The following NOD2 variants were observed in gnomAD, a reference collection of about 807,000 sequenced individuals.
The protein encoded by NOD2 is nucleotide binding oligomerization domain containing 2.
In NOD2, 86 loss-of-function variants were observed where a neutral mutation model predicts 90.9. That is an observed-to-expected ratio of 0.95 (90% CI 0.79 to 1.13). The LOEUF (loss-of-function observed/expected upper bound fraction) is 1.13. NOD2 is among the 50% of genes most tolerant of loss of function. The pLI is 0.00. For missense variants in NOD2, 1,238 were observed against 1,283.8 expected, an observed-to-expected ratio of 0.96 and a Z score of 0.55; for synonymous variants, 581 against 554.6, an observed-to-expected ratio of 1.05 and a Z score of -0.67.
intron 1 of NOD2, among the ~76,000 whole-genome samples, chr16:50,693,941 T>TG (rs144636959): frequency 0.031 from 4,706 of 152,112 alleles, 191 homozygotes; most frequent in East Asian, 0.11. Context: ...AGTGAGTGGG[T>TG]GGGTATAAGT....
At chr16:50,727,873 A>G in intron 10 of NOD2, 1 of 342,006 alleles carries the variant, frequency 2.9e-6, no homozygotes, top group Non-Finnish European at 5.8e-6. Context: ...GACTAGCAGC[A>G]GACCACCAGT....
rs1277074052 is a variant in NOD2, at chr16:50,728,837, A to G, written c.2886-981A>G. On this transcript the variant is annotated intron_variant, in intron 10 of 11. Transcript: ENST00000647318. ...TCCCCTCCCTGTTGTCAGCTACCTC[A>G]TATGTTCTCTAATCTCTGTCTCTGT... Among the ~76,000 whole-genome samples the G allele has an allele frequency of 3.9e-5, 6 of 152,084 alleles. No homozygotes were observed. In the East Asian group the frequency reaches 5.8e-4, roughly 15 times the overall value.
At chr16:50,727,997 C>T (rs757841229) in intron 10 of NOD2, 8 of 254,358 alleles carry the variant, frequency 3.1e-5, no homozygotes, top group East Asian at 1.0e-4. Flanking sequence ...CACTTTTCAT[C>T]GCACGTCACA....
intron 4 of NOD2, chr16:50,712,635 C>T (rs4785225): frequency 2.9e-5 from 16 of 551,722 alleles, no homozygotes; most frequent in South Asian, 8.4e-5. Context: ...ACCACCCTGG[C>T]GGGTAGGCAG....
intron 1 of NOD2, 36 bp downstream of exon 1, chr16:50,693,698 G>C (rs1042564220): frequency 1.3e-5 from 2 of 152,400 alleles, no homozygotes; most frequent in Non-Finnish European, 2.9e-5. Context: ...GGTGGGCTGG[G>C]GGGAGACTGT....
At chr16:50,704,872 C>G (rs1167463454) in intron 2 of NOD2, among the ~76,000 whole-genome samples, 2 of 152,190 alleles carry the variant, frequency 1.3e-5, no homozygotes, top group East Asian at 3.8e-4. Flanking sequence ...CTTTTAGTCC[C>G]CAGAATTTTA....
rs752141641 is a variant in NOD2, at chr16:50,723,333, C to T, written c.2750C>T (p.Ala917Val). 1.2e-6 allele frequency: 2 copies of T among 1,613,856 alleles called. No individual in the cohort carries two copies. Among genetic ancestry groups the T allele is most frequent in the Non-Finnish European group, 1.7e-6 (2 of 1,179,902 alleles). ...GGGAACAACATTGGCAGTGTGGGTG[C>T]CCAAGCCTTGGCACTGATGCTGGCA... ...LVGNNIGSVG[A>V]QALALMLAKN... Residue 917 changes from alanine to valine, a missense_variant, in exon 9 of 12, where the codon GCC (alanine) becomes GTC (valine). By Grantham distance (64) the Ala-to-Val change is moderately conservative. Around this residue, in one of 3 missense-constraint regions of NOD2, gnomAD observed 667 missense variants for 688.7 expected, o/e 0.97. Transcript: ENST00000647318.
At chr16:50,719,871 C>T (rs758577382) in intron 6 of NOD2, 54 bp from the exon 7 acceptor site, 1 of 1,532,672 alleles carries the variant, frequency 6.5e-7, no homozygotes. Flanking sequence ...ACAGACGGCC[C>T]TCCTTTTCTG....
chr16:50,710,501 T>A, intron 3 of NOD2, 57 bp from the exon 4 acceptor site: 1 of 1,612,052 alleles, frequency 6.2e-7, no homozygotes. Context: ...CATTGTCTGG[T>A]TAGGTCCCGT....
rs771887760 is a variant in NOD2, at chr16:50,707,945, G to A, written c.550G>A (p.Ala184Thr). The A allele has an allele frequency of 1.2e-6, 2 of 1,612,252 alleles. No homozygotes were observed. Among genetic ancestry groups the A allele is most frequent in the Non-Finnish European group, 8.5e-7 (1 of 1,178,332 alleles). ...TGTTCAGGAATTACCAGTCCCATTGGCCCTGCCTTTGGAAGGTAGGTGTAT... is the reference window on the plus strand; with the variant it reads ...TGTTCAGGAATTACCAGTCCCATTGACCCTGCCTTTGGAAGGTAGGTGTAT... ...QHVQELPVPL[A>T]LPLEAATCKK... The change falls in exon 3 of 12, where the codon GCC (alanine) becomes ACC (threonine). Residue 184 changes from alanine to threonine, a missense_variant. Physicochemically the swap from Ala to Thr is moderately conservative, Grantham distance 58 (BLOSUM62 0). This residue lies in a region of NOD2 where 567 missense variants were observed against 577.3 expected (regional missense o/e 0.98). Coordinates refer to ENST00000647318, the MANE Select transcript of NOD2 (RefSeq NM_001370466.1).
At chr16:50,716,128 T>C (rs1964781924) in intron 4 of NOD2, among the ~76,000 whole-genome samples, 1 of 152,168 alleles carries the variant, frequency 6.6e-6, no homozygotes, top group Admixed American at 6.5e-5. Context: ...TTTCTGAAGT[T>C]TTGGCCACTC....
rs769988393 is a variant in NOD2 at position 50,711,313 on chromosome 16, C to T, written c.1321C>T (p.Arg441Cys). The T allele has an allele frequency of 3.5e-5, 57 of 1,613,524 alleles. No homozygotes were observed. The highest frequency in any genetic ancestry group is 1.6e-4 in the South Asian group (15 of 91,094). ...KRHHEPGVAD[R>C]LIRLLQETSA... ...CCATCATGAGCCCGGGGTGGCGGAC[C>T]GCCTCATCCGCCTGCTCCAAGAGAC... Residue 441 changes from arginine (R) to cysteine (C), a missense_variant, in exon 4 of 12, where the codon CGC (arginine) becomes TGC (cysteine). By Grantham distance (180) the Arg-to-Cys change is radical. This residue lies in a region of NOD2 where 567 missense variants were observed against 577.3 expected (regional missense o/e 0.98). Transcript: ENST00000647318.
intron 8 of NOD2, 147 bp from the exon 9 acceptor site, chr16:50,723,154 A>AG (rs11423748): frequency 3.6e-4 from 229 of 630,894 alleles, no homozygotes; most frequent in Non-Finnish European, 9.8e-5. Flanking sequence ...AAAAAAAAAA[A>AG]GAAAAAAGAA....
chr16:50,726,173 T>G (rs1965257643), intron 10 of NOD2, among the ~76,000 whole-genome samples: 1 of 152,156 alleles, frequency 6.6e-6, no homozygotes, highest in Admixed American at 6.5e-5. Context: ...CACAAAGAGA[T>G]GGACAGCTCA....
chr16:50,703,863 T>C (rs1382925019), intron 2 of NOD2, among the ~76,000 whole-genome samples: 1 of 152,228 alleles, frequency 6.6e-6, no homozygotes, highest in East Asian at 1.9e-4. Context: ...GGGGAAATAT[T>C]GGGCTCATTG....
At chr16:50,697,160 A>T (rs1963685451) in intron 1 of NOD2, 1 of 1,152,982 alleles carries the variant, frequency 8.7e-7, no homozygotes, top group Non-Finnish European at 1.3e-6. Context: ...CAGGCTCACC[A>T]GTCCTGTGCC....
chr16:50,728,503 TAA>T (rs1232643532), intron 10 of NOD2: 1 of 166,140 alleles, frequency 6.0e-6, no homozygotes, highest in Non-Finnish European at 1.3e-5. Flanking sequence ...CAAAAAATCA[TAA>T]AGTGAGAATT....
intron 2 of NOD2, among the ~76,000 whole-genome samples, chr16:50,700,507 C>T (rs1325493472): frequency 6.6e-6 from 1 of 152,216 alleles, no homozygotes; most frequent in East Asian, 1.9e-4. Context: ...TCAAGGTCAA[C>T]CCTGTGTGAT....
chr16:50,705,607 G>T (rs925239758), intron 2 of NOD2, among the ~76,000 whole-genome samples: 1 of 152,188 alleles, frequency 6.6e-6, no homozygotes, highest in Non-Finnish European at 1.5e-5. Context: ...CCAGAAATCT[G>T]TTTCAGAAAC....
Sources: allele counts gnomAD v4.1 joint callset (sites outside exome capture counted in the v4.1 genomes callset), GRCh38; gene constraint gnomAD v4.1.1; regional missense constraint gnomAD v4.1.1; transcripts MANE v1.5; gene names NCBI Gene and HGNC (gene_info 2026-07-23, HGNC 2026-07-21).